NCALD: variants seen among roughly 807,000 people sequenced by gnomAD.
NCALD encodes neurocalcin-delta.
In NCALD, 10 loss-of-function variants were observed where a neutral mutation model predicts 18.6. The ratio of observed to expected loss-of-function variants is 0.54; its 90% CI spans 0.33 to 0.91. NCALD has a LOEUF of 0.91. NCALD is among the 40% of genes least tolerant of loss of function. The pLI is 0.03. For missense variants in NCALD, 184 were observed against 247.6 expected (o/e 0.74, Z 1.72); for synonymous variants, 88 against 87.4 (o/e 1.01, Z -0.04).
rs68064092 is a variant in NCALD, at chr8:101,741,763, C to CAA, written c.-19-22117_-19-22116dup. On this transcript the variant is annotated intron_variant, in intron 1 of 3. Transcript: ENST00000220931. ...GCAGCATAGGGAGACCTCATCTCTA[C>CAA]AAAAAAAAAAAAAAAAAAAAAAAAT... Among the ~76,000 whole-genome samples, 602 of 69,586 alleles carry CAA rather than the reference C, an allele frequency of 8.7e-3. 1 individual carries two copies. The highest frequency in any genetic ancestry group is 0.012 in the Non-Finnish European group (390 of 32,024). The allele number at this position is 69,586 out of a possible 152,430, so 45.7% of individuals were successfully genotyped here.
At chr8:102,096,584 T>G (rs1348839617) in intron 1 of NCALD, among the ~76,000 whole-genome samples, 2 of 152,234 alleles carry the variant, frequency 1.3e-5, no homozygotes, top group Non-Finnish European at 2.9e-5. Context: ...TTGCAACCAA[T>G]CAGACATTTG....
intron 3 of NCALD, among the ~76,000 whole-genome samples, chr8:101,913,136 A>T (rs1817859022): frequency 6.6e-6 from 1 of 152,242 alleles, no homozygotes. Flanking sequence ...CAAGACCATA[A>T]GCAGAGGCCC....
chr8:102,031,414 T>C (rs1014469828), intron 1 of NCALD, among the ~76,000 whole-genome samples: 3 of 152,202 alleles, frequency 2.0e-5, no homozygotes, highest in African/African-American at 7.2e-5. Context: ...TGGTTATTTA[T>C]GAAGTGAAGG....
At chr8:101,890,658 T>C (rs1816838787) in intron 3 of NCALD, among the ~76,000 whole-genome samples, 1 of 152,184 alleles carries the variant, frequency 6.6e-6, no homozygotes, top group African/African-American at 2.4e-5. Flanking sequence ...GGCAACACTC[T>C]TGGAAGCAGA....
intron 1 of NCALD, among the ~76,000 whole-genome samples, chr8:102,121,501 G>A (rs1301164473): frequency 6.6e-6 from 1 of 152,012 alleles, no homozygotes; most frequent in African/African-American, 2.4e-5. Flanking sequence ...ACCAATACCA[G>A]GCAATCTGAA....
At chr8:102,005,866 TG>T (rs1452551435) in intron 2 of NCALD, among the ~76,000 whole-genome samples, 1 of 63,264 alleles carries the variant, frequency 1.6e-5, no homozygotes, top group Non-Finnish European at 2.9e-5. Flanking sequence ...CATCACACAC[TG>T]GGGCCTGTTG....
At chr8:101,845,366 T>C (rs1161617742) in intron 4 of NCALD, among the ~76,000 whole-genome samples, 1 of 152,218 alleles carries the variant, frequency 6.6e-6, no homozygotes, top group African/African-American at 2.4e-5. Context: ...AAGCTGCATG[T>C]GCTCTGTGTG....
chr8:101,891,778 C>G (rs975435871), intron 3 of NCALD, among the ~76,000 whole-genome samples: 1 of 152,202 alleles, frequency 6.6e-6, no homozygotes, highest in Non-Finnish European at 1.5e-5. Flanking sequence ...TCAGGTCACT[C>G]CCACCCAAAT....
intron 1 of NCALD, among the ~76,000 whole-genome samples, chr8:102,037,029 T>C (rs1003049978): frequency 6.6e-6 from 1 of 152,168 alleles, no homozygotes; most frequent in Non-Finnish European, 1.5e-5. Context: ...TTGTATAATC[T>C]GTAATAATAA....
At chr8:102,077,413 C>T (rs1488000522) in intron 1 of NCALD, among the ~76,000 whole-genome samples, 1 of 151,780 alleles carries the variant, frequency 6.6e-6, no homozygotes, top group African/African-American at 2.4e-5. Context: ...AGGAAGAAAT[C>T]CTGATACTGG....
intron 2 of NCALD, chr8:101,693,235 C>T: frequency 5.1e-6 from 1 of 195,760 alleles, no homozygotes; most frequent in Non-Finnish European, 1.0e-5. Context: ...ACTGCAGGCT[C>T]CATTTCATAG....
intron 3 of NCALD, chr8:101,691,438 CAGTT>C (rs1234678298): frequency 1.0e-5 from 10 of 985,204 alleles, no homozygotes; most frequent in Non-Finnish European, 1.2e-5. Context: ...GATCAACACA[CAGTT>C]AGGGCTTTAG....
At chr8:102,008,969 A>ACAC (rs1215721845) in intron 2 of NCALD, among the ~76,000 whole-genome samples, 9 of 111,900 alleles carry the variant, frequency 8.0e-5, no homozygotes, top group Non-Finnish European at 1.1e-4. Context: ...CACACACACA[A>ACAC]GCCCTAAAAG....
intron 1 of NCALD, among the ~76,000 whole-genome samples, chr8:102,043,956 G>C (rs113544404): frequency 1.3e-5 from 2 of 151,868 alleles, no homozygotes; most frequent in African/African-American, 4.8e-5. Context: ...ACATTCTTAC[G>C]GGGAAGAAAA....
At chr8:101,833,549 C>T (rs1814272200) in intron 4 of NCALD, among the ~76,000 whole-genome samples, 1 of 150,644 alleles carries the variant, frequency 6.6e-6, no homozygotes, top group Non-Finnish European at 1.5e-5. Flanking sequence ...CAAATGTCTA[C>T]AGACTTCTTT....
intron 1 of NCALD, among the ~76,000 whole-genome samples, chr8:101,737,242 CCTGA>C (rs895396729): frequency 2.3e-4 from 35 of 152,188 alleles, no homozygotes; most frequent in African/African-American, 8.2e-4. Context: ...CACCACCACA[CCTGA>C]CTATAATTTT....
At chr8:101,757,891 A>G (rs1312191801) in intron 1 of NCALD, among the ~76,000 whole-genome samples, 3 of 152,082 alleles carry the variant, frequency 2.0e-5, no homozygotes, top group Non-Finnish European at 4.4e-5. Flanking sequence ...CTATTTTAAC[A>G]ATTTTTTTAG....
chr8:102,089,003 G>A (rs1474791352), intron 1 of NCALD, among the ~76,000 whole-genome samples: 1 of 152,164 alleles, frequency 6.6e-6, no homozygotes, highest in African/African-American at 2.4e-5. Context: ...TTTTGGGGGA[G>A]CTATTTTGCC....
chr8:101,872,578 G>A, intron 4 of NCALD: 1 of 582,118 alleles, frequency 1.7e-6, no homozygotes. Flanking sequence ...AGCCAATCGT[G>A]CTGGGGAATT....
Sources: gnomAD v4.1 joint callset for allele counts (sites outside exome capture counted in the v4.1 genomes callset) on GRCh38, gnomAD v4.1.1 for gene constraint, MANE v1.5 for transcripts, NCBI Gene and HGNC (gene_info 2026-07-23, HGNC 2026-07-21) for gene names.